The following KIF3C variants were observed in gnomAD, a reference collection of about 807,000 sequenced individuals.
KIF3C encodes kinesin-like protein KIF3C.
In KIF3C, 12 loss-of-function variants were observed where a neutral mutation model predicts 67.7. The ratio of observed to expected loss-of-function variants is 0.18; its 90% confidence interval spans 0.11 to 0.29. The LOEUF (loss-of-function observed/expected upper bound fraction) is 0.29, where lower values mean the gene tolerates loss of function less well. Ranked by LOEUF, KIF3C falls within the 10% of genes least tolerant of loss-of-function variation. The pLI is 1.00. For missense variants in KIF3C, 789 were observed against 1,059.6 expected (o/e 0.74, Z 3.55); for synonymous variants, 393 against 426.2 (o/e 0.92, Z 0.96).
rs972088124 is a variant in KIF3C, at chr2:25,952,555, A to G, written c.1890-650T>C. ...TGTGTGTGTGTGTGTGTGTGTATATATATATATATTTTTTTTTTTTTGAGA... is the reference window on the plus strand; with the variant it reads ...TGTGTGTGTGTGTGTGTGTGTATATGTATATATATTTTTTTTTTTTTGAGA... On this transcript the variant is annotated intron_variant, in intron 4 of 7. Coordinates refer to ENST00000264712, the MANE Select transcript of KIF3C (RefSeq NM_002254.8). Among the ~76,000 whole-genome samples the G allele has an allele frequency of 8.0e-3, 740 of 92,088 alleles. 3 individuals carry two copies. The highest frequency in any genetic ancestry group is 0.032 in the African/African-American group (684 of 21,330). The allele number at this position is 92,088 out of a possible 152,430, so 60.4% of individuals were successfully genotyped here.
In KIF3C at chr2:25,982,490, A is replaced by G. The variant is rs935611542; in HGVS notation, c.-573T>C. The G allele has an allele frequency of 5.0e-6, 2 of 398,296 alleles. No homozygotes were observed. Among genetic ancestry groups the G allele is most frequent in the Admixed American group, 8.8e-5 (2 of 22,714 alleles). 24.7% of individuals were successfully genotyped at this position (398,296 alleles called of 1,614,324 possible). A position where few individuals can be genotyped will look rare whatever the true frequency, so the allele number is the denominator to read the frequency against. ...CGCCGCCGCCACTGGAGAATGAGAG[A>G]GAAAAACAGAAGGGGATGGGGCGGA... On this transcript the variant is annotated 5_prime_UTR_variant, in exon 1 of 8. Transcript: ENST00000264712.
chr2:25,947,413 T>C (rs566501250), intron 5 of KIF3C, among the ~76,000 whole-genome samples: 320 of 151,556 alleles, frequency 2.1e-3, no homozygotes, highest in Middle Eastern at 0.01. Context: ...AACCCTGTCT[T>C]TACTAAAACT....
chr2:25,977,488 C>A (rs1046684724), intron 1 of KIF3C, among the ~76,000 whole-genome samples: 12 of 152,126 alleles, frequency 7.9e-5, no homozygotes, highest in Admixed American at 7.9e-4. Flanking sequence ...CCTCTCCTGC[C>A]TGGCTCTACT....
At chr2:25,962,962 TATATA>T (rs1559555381) in intron 1 of KIF3C, among the ~76,000 whole-genome samples, 2 of 34,460 alleles carry the variant, frequency 5.8e-5, no homozygotes, top group Non-Finnish European at 8.2e-5. Context: ...ATATATAATA[TATATA>T]ATATATAATA....
chr2:25,929,718 C>T (rs574514819), intron 6 of KIF3C, among the ~76,000 whole-genome samples: 95 of 152,042 alleles, frequency 6.2e-4, no homozygotes, highest in African/African-American at 2.3e-3. Flanking sequence ...CAGGTTCAAG[C>T]AATTCTCCTG....
intron 1 of KIF3C, among the ~76,000 whole-genome samples, chr2:25,967,043 C>T (rs1349574321): frequency 1.3e-5 from 2 of 152,228 alleles, no homozygotes; most frequent in Admixed American, 6.5e-5. Context: ...CCATGGCTTT[C>T]TTCCAGGTTC....
In KIF3C at chr2:25,982,175, G is replaced by A. The variant is rs1664619080; in HGVS notation, c.-258C>T. ...ATCCCCCAGTCGCCGCGGGAGCAGC[G>A]CCTGCCGAGCAGCCGTGCCCGGAGC... is the stretch of plus-strand genomic sequence containing the variant. On this transcript the variant is annotated 5_prime_UTR_variant, in exon 1 of 8. Transcript: ENST00000264712. 2.2e-6 allele frequency: 1 copy of A among 444,974 alleles called. No homozygotes were observed. The highest frequency in any genetic ancestry group is 3.4e-5 in the East Asian group (1 of 29,800). The allele number at this position is 444,974 out of a possible 1,614,324, so 27.6% of individuals were successfully genotyped here.
At chr2:25,938,788 C>T (rs1663208700) in intron 5 of KIF3C, among the ~76,000 whole-genome samples, 1 of 152,062 alleles carries the variant, frequency 6.6e-6, no homozygotes, top group Non-Finnish European at 1.5e-5. Flanking sequence ...TTTAAGCACC[C>T]CTCCCAGCAG....
chr2:25,929,241 C>T (rs2149220053), intron 7 of KIF3C, 64 bp downstream of exon 7: 2 of 1,562,534 alleles, frequency 1.3e-6, no homozygotes, highest in Non-Finnish European at 8.8e-7. Flanking sequence ...TTTAGCATCA[C>T]CCAGCGCCTG....
At chr2:25,962,842 T>A (rs867000225) in intron 1 of KIF3C, among the ~76,000 whole-genome samples, 2 of 62,830 alleles carry the variant, frequency 3.2e-5, no homozygotes, top group South Asian at 3.4e-4. Flanking sequence ...ATAAAATATA[T>A]AATATATAAT....
Position 25,981,525 on chromosome 2 carries a change from G to T in KIF3C, c.393C>A (p.Ile131=), listed in dbSNP as rs749168140. Residue 131 remains isoleucine, a synonymous_variant, in exon 1 of 8, where the codon ATC becomes ATA. Transcript: ENST00000264712. This position sits in a 1 kb window ranked among gnomAD's most constrained non-coding sequence, Gnocchi z 8.2. ...GGTACTGTTGGTTCTGGGAGCGGGA[G>T]ATGTGGGTGAAGATGTGCTCAAAGG... The part of the protein sequence containing the change: ...PNAFEHIFTH[I]SRSQNQQYLV... 1 of 1,614,228 alleles carries T rather than the reference G, an allele frequency of 6.2e-7. No individual in the cohort carries two copies. Among genetic ancestry groups the T allele is most frequent in the South Asian group, 1.1e-5 (1 of 91,086 alleles).
intron 1 of KIF3C, among the ~76,000 whole-genome samples, chr2:25,979,306 G>C: frequency 6.6e-6 from 1 of 152,138 alleles, no homozygotes; most frequent in East Asian, 1.9e-4. Context: ...AAGGTCCCGG[G>C]GGTGAGGAAA....
chr2:25,956,334 A>T lies in KIF3C; in HGVS notation c.1647+9T>A, dbSNP rs1273833872. The stretch of plus-strand genomic sequence containing the variant: ...CTCTCCAAGGGGACCTGGCACCTGG[A>T]GGCCCTACCTGCTCGGCAATCTCCT... On this transcript the variant is annotated intron_variant, in intron 2 of 7. Transcript: ENST00000264712. The T allele has an allele frequency of 6.2e-7, 1 of 1,610,152 alleles. No homozygotes were observed.
chr2:25,945,058 G>A (rs1309091327), intron 5 of KIF3C, among the ~76,000 whole-genome samples: 1 of 150,692 alleles, frequency 6.6e-6, no homozygotes, highest in Non-Finnish European at 1.5e-5. Context: ...TTGAACCCGG[G>A]AGGTGGAGGT....
chr2:25,942,809 A>T (rs1663327843), intron 5 of KIF3C, among the ~76,000 whole-genome samples: 1 of 152,160 alleles, frequency 6.6e-6, no homozygotes, highest in African/African-American at 2.4e-5. Context: ...CTACATGGAG[A>T]TGGTAGAGAA....
chr2:25,933,816 A>G (rs953611548), intron 5 of KIF3C, among the ~76,000 whole-genome samples: 2 of 152,220 alleles, frequency 1.3e-5, no homozygotes, highest in Admixed American at 6.6e-5. Context: ...AATGTAAAAA[A>G]AAAAGTTAAA....
intron 5 of KIF3C, among the ~76,000 whole-genome samples, chr2:25,935,751 C>T (rs1395279888): frequency 6.6e-6 from 1 of 152,080 alleles, no homozygotes; most frequent in African/African-American, 2.4e-5. Context: ...ACTATTCAGT[C>T]CTATGAAGGA....
intron 1 of KIF3C, among the ~76,000 whole-genome samples, chr2:25,973,697 C>T (rs1272182941): frequency 6.6e-6 from 1 of 152,098 alleles, no homozygotes; most frequent in African/African-American, 2.4e-5. Flanking sequence ...TTAAAGAGAT[C>T]TTTAAATTAA....
chr2:25,963,393 A>C (rs959481495), intron 1 of KIF3C, among the ~76,000 whole-genome samples: 1 of 147,358 alleles, frequency 6.8e-6, no homozygotes, highest in Admixed American at 6.9e-5. Context: ...TTTATTGTAG[A>C]GACAGGGTTT....
Sources: allele counts gnomAD v4.1 joint callset (sites outside exome capture counted in the v4.1 genomes callset), GRCh38; gene constraint gnomAD v4.1.1; non-coding constraint Gnocchi (gnomAD v3.1); transcripts MANE v1.5; gene names NCBI Gene and HGNC (gene_info 2026-07-23, HGNC 2026-07-21).